The following MATN2 variants were observed in gnomAD, a reference collection of about 807,000 sequenced individuals.
The protein encoded by MATN2 is matrilin 2, also known as matrilin-2.
MATN2 carries 69 observed loss-of-function variants against 103.2 expected under a neutral mutation model. The ratio of observed to expected loss-of-function variants is 0.67; its 90% confidence interval spans 0.55 to 0.82. The LOEUF (loss-of-function observed/expected upper bound fraction) is 0.82. Among genes scored for constraint, MATN2 ranks in the 40% least tolerant of loss-of-function variants. The probability of loss-of-function intolerance (pLI) is 0.00; values close to 1 mark genes in which losing one functional copy is unlikely to be tolerated. For synonymous variants in MATN2, 429 were observed against 450.2 expected (o/e 0.95, Z 0.60); for missense variants, 1,023 against 1,211.5 (o/e 0.84, Z 2.31).
At position 97,924,327 on chromosome 8, in the gene MATN2, T is replaced by G. The variant is rs1809915358; in HGVS notation, c.143-6626T>G. Among the ~76,000 whole-genome samples, 3 of 152,342 alleles carry G rather than the reference T, an allele frequency of 2.0e-5. No homozygotes were observed. In the South Asian group the frequency reaches 6.2e-4, roughly 32 times the overall value. Reference sequence around the variant, plus strand: ...AATCATACTCTAGTTCCCTAATCCCTTCACTCTTCCACTGTCCTAGAAACT... The same window carrying G: ...AATCATACTCTAGTTCCCTAATCCCGTCACTCTTCCACTGTCCTAGAAACT... On this transcript the variant is annotated intron_variant, in intron 2 of 18. Coordinates refer to ENST00000254898, the MANE Select transcript of MATN2 (RefSeq NM_002380.5).
intron 5 of MATN2, among the ~76,000 whole-genome samples, chr8:97,976,466 C>T (rs1247147116): frequency 6.6e-6 from 1 of 152,206 alleles, no homozygotes; most frequent in Non-Finnish European, 1.5e-5. Context: ...CAGGTTATTA[C>T]CCTTTACAAA....
intron 3 of MATN2, among the ~76,000 whole-genome samples, chr8:97,940,453 A>G (rs931816769): frequency 2.6e-5 from 4 of 152,338 alleles, no homozygotes; most frequent in Admixed American, 2.0e-4. Flanking sequence ...CAGACAATCA[A>G]ACTCAGAACA....
intron 5 of MATN2, among the ~76,000 whole-genome samples, chr8:97,972,082 G>A (rs1038871911): frequency 6.6e-6 from 1 of 151,970 alleles, no homozygotes; most frequent in African/African-American, 2.4e-5. Flanking sequence ...TGTAGTCCCA[G>A]CTATTCAGGA....
intron 2 of MATN2, among the ~76,000 whole-genome samples, chr8:97,926,901 A>G (rs988710743): frequency 2.0e-5 from 3 of 152,220 alleles, no homozygotes; most frequent in African/African-American, 7.2e-5. Context: ...GCATGCCTAC[A>G]AAGATAAATG....
chr8:97,994,981 C>T (rs1256831533), intron 7 of MATN2, among the ~76,000 whole-genome samples: 4 of 152,156 alleles, frequency 2.6e-5, no homozygotes, highest in Non-Finnish European at 2.9e-5. Context: ...AGACACTTGA[C>T]GGATGCTAAG....
chr8:97,967,678 G>T (rs1339480477), intron 5 of MATN2, among the ~76,000 whole-genome samples: 4 of 152,202 alleles, frequency 2.6e-5, no homozygotes, highest in Non-Finnish European at 5.9e-5. Context: ...GCCTTGGTTG[G>T]CTCCGCCCCT....
chr8:98,000,479 C>G (rs1812741407), intron 7 of MATN2, among the ~76,000 whole-genome samples: 1 of 151,452 alleles, frequency 6.6e-6, no homozygotes, highest in Non-Finnish European at 1.5e-5. Flanking sequence ...CACCTGTAGT[C>G]CCAGCTACTC....
At chr8:98,029,373 C>A (rs1813922897) in intron 14 of MATN2, among the ~76,000 whole-genome samples, 1 of 152,130 alleles carries the variant, frequency 6.6e-6, no homozygotes, top group South Asian at 2.1e-4. Flanking sequence ...CAGTGGTTAG[C>A]CCTTTCATCT....
chr8:97,919,451 C>A (rs183637036), intron 2 of MATN2, among the ~76,000 whole-genome samples: 2 of 152,100 alleles, frequency 1.3e-5, no homozygotes, highest in Non-Finnish European at 2.9e-5. Flanking sequence ...AGGCTGGTCT[C>A]GAACTCTTGA....
chr8:97,918,744 C>T (rs970930142), intron 2 of MATN2, among the ~76,000 whole-genome samples: 1 of 152,116 alleles, frequency 6.6e-6, no homozygotes, highest in Non-Finnish European at 1.5e-5. Context: ...GGGAGGGTAA[C>T]AGGGCTCTTC....
intron 6 of MATN2, among the ~76,000 whole-genome samples, chr8:97,991,067 CTA>C (rs756152984): frequency 2.0e-5 from 3 of 152,084 alleles, no homozygotes; most frequent in Non-Finnish European, 2.9e-5. Context: ...TCCAAAATTT[CTA>C]TGTCATAAAA....
intron 2 of MATN2, among the ~76,000 whole-genome samples, chr8:97,913,441 A>G (rs1440278685): frequency 6.6e-6 from 1 of 151,560 alleles, no homozygotes; most frequent in Admixed American, 6.6e-5. Context: ...CAGCCTCCCA[A>G]GTAGCTGGGA....
At chr8:98,026,740 TGGA>T (rs1312500118) in intron 13 of MATN2, among the ~76,000 whole-genome samples, 1 of 152,132 alleles carries the variant, frequency 6.6e-6, no homozygotes, top group South Asian at 2.1e-4. Context: ...ACTCACAGAC[TGGA>T]GGAGGAAACA....
At position 98,005,942 on chromosome 8, in the gene MATN2, G is replaced by A; in HGVS notation, c.1328-1163G>A. ...GTTCGCAGGAGATGCATCCACCAGTGGAATGTTCTGGAAGGCACTGGTCCC... is the reference window on the plus strand; with the variant it reads ...GTTCGCAGGAGATGCATCCACCAGTAGAATGTTCTGGAAGGCACTGGTCCC... On this transcript the variant is annotated intron_variant, in intron 8 of 18. Transcript: ENST00000254898. The surrounding 1 kb of genome is among the most constrained non-coding windows in gnomAD (Gnocchi z 4.6). Among the ~76,000 whole-genome samples, 1 of 152,204 alleles carries A rather than the reference G, an allele frequency of 6.6e-6. No homozygotes were observed. Among genetic ancestry groups the A allele is most frequent in the East Asian group, 1.9e-4 (1 of 5,200 alleles).
Position 98,014,843 on chromosome 8 carries a change from G to A in MATN2, c.1574-1697G>A, listed in dbSNP as rs1813306291. Among the ~76,000 whole-genome samples the A allele has an allele frequency of 2.0e-5, 3 of 152,242 alleles. No individual in the cohort carries two copies. In the South Asian group the frequency reaches 6.2e-4, roughly 32 times the overall value. ...CTTTACCAAAAAAAGTGTGTGGTTT[G>A]TGCCTGATTATAAAGGTCATTATGT... On this transcript the variant is annotated intron_variant, in intron 10 of 18. Transcript: ENST00000254898.
rs751977449 is a variant in MATN2 at position 98,007,125 on chromosome 8, C to G, written c.1348C>G (p.Gln450Glu). The G allele has an allele frequency of 7.4e-6, 12 of 1,611,518 alleles. No homozygotes were observed. In the Admixed American group the frequency reaches 2.0e-4, roughly 27 times the overall value. Reference sequence around the variant, plus strand: ...TGCAGGAGTGGACCACTGTGCACAGCAGGACCATGGCTGTGAGCAGCTGTG... The same window carrying G: ...TGCAGGAGTGGACCACTGTGCACAGGAGGACCATGGCTGTGAGCAGCTGTG... The part of the protein sequence containing the change: ...TCSRVDHCAQ[Q>E]DHGCEQLCLN... Residue 450 changes from glutamine to glutamate, a missense_variant, in exon 9 of 19, where the codon CAG becomes GAG. Coordinates refer to ENST00000254898, the MANE Select transcript of MATN2 (RefSeq NM_002380.5). This position sits in a 1 kb window ranked among gnomAD's most constrained non-coding sequence, Gnocchi z 4.2.
intron 5 of MATN2, among the ~76,000 whole-genome samples, chr8:97,974,893 A>G (rs953636949): frequency 1.3e-5 from 2 of 152,238 alleles, no homozygotes; most frequent in Admixed American, 6.5e-5. Flanking sequence ...GCTCAAACAC[A>G]TATTCCTGGG....
Position 97,931,081 on chromosome 8 carries a change from C to T in MATN2, c.271C>T (p.Pro91Ser). The stretch of plus-strand genomic sequence containing the variant: ...CATCTTGCAATTCTTGGACATTGGT[C>T]CTGATGTCACCCGAGTGGGCCTGCT... ...VDILQFLDIGPDVTRVGLLQY... is the reference protein window; with the variant it reads ...VDILQFLDIGSDVTRVGLLQY... Residue 91 changes from proline (P) to serine (S), a missense_variant, in exon 3 of 19, where the codon CCT becomes TCT. By Grantham distance (74) the Pro-to-Ser change is moderately conservative. Transcript: ENST00000254898. This position sits in a 1 kb window ranked among gnomAD's most constrained non-coding sequence, Gnocchi z 4.1. 1 of 1,613,988 alleles carries T rather than the reference C, an allele frequency of 6.2e-7. No individual in the cohort carries two copies. The highest frequency in any genetic ancestry group is 2.2e-5 in the East Asian group (1 of 44,882).
At chr8:97,883,622 G>A (rs1300490919) in intron 1 of MATN2, among the ~76,000 whole-genome samples, 2 of 149,310 alleles carry the variant, frequency 1.3e-5, no homozygotes, top group African/African-American at 2.5e-5. Flanking sequence ...GCATGATCTC[G>A]GCTCACTGCA....
Sources: allele counts gnomAD v4.1 joint callset (sites outside exome capture counted in the v4.1 genomes callset), GRCh38; gene constraint gnomAD v4.1.1; non-coding constraint Gnocchi (gnomAD v3.1); transcripts MANE v1.5; gene names NCBI Gene and HGNC (gene_info 2026-07-23, HGNC 2026-07-21).